SEMA3C: variants seen among roughly 807,000 people sequenced by gnomAD.
SEMA3C encodes semaphorin-3C.
A neutral mutation model predicts 89.4 loss-of-function variants in SEMA3C; 47 were observed. The ratio of observed to expected loss-of-function variants is 0.53; its 90% CI spans 0.42 to 0.67. SEMA3C has a LOEUF of 0.67. Among genes scored for constraint, SEMA3C ranks in the 30% least tolerant of loss-of-function variants. The probability of loss-of-function intolerance (pLI) is 0.00; values close to 1 mark genes in which losing one functional copy is unlikely to be tolerated. For missense variants in SEMA3C, 839 were observed against 929.1 expected (o/e 0.90, Z 1.26); for synonymous variants, 310 against 320.2 (o/e 0.97, Z 0.34).
At chr7:80,853,925 C>T (rs895340480) in intron 2 of SEMA3C, among the ~76,000 whole-genome samples, 2 of 151,092 alleles carry the variant, frequency 1.3e-5, no homozygotes, top group Admixed American at 1.3e-4. Context: ...TGTATACACA[C>T]CTGCTATGTA....
intron 2 of SEMA3C, among the ~76,000 whole-genome samples, chr7:80,883,525 A>G (rs1791401166): frequency 6.6e-6 from 1 of 152,360 alleles, no homozygotes. Flanking sequence ...CCCTTAATAC[A>G]TGAACTTTTA....
At chr7:80,847,441 T>C (rs974334158) in intron 2 of SEMA3C, 5 of 152,186 alleles carry the variant, frequency 3.3e-5, no homozygotes, top group Non-Finnish European at 7.3e-5. Flanking sequence ...ATTTGGTAGA[T>C]ATTACTTTGT....
At chr7:80,811,938 T>C (rs562870068) in intron 5 of SEMA3C, among the ~76,000 whole-genome samples, 1 of 152,328 alleles carries the variant, frequency 6.6e-6, no homozygotes, top group Non-Finnish European at 1.5e-5. Context: ...CTAATTTCAT[T>C]GTACTTGTTG....
chr7:80,818,529 A>C, intron 4 of SEMA3C, 111 bp from the exon 5 acceptor site: 1 of 1,251,638 alleles, frequency 8.0e-7, no homozygotes. Flanking sequence ...GGTGACATAA[A>C]CTTTTGATGT....
At chr7:80,916,966 G>T in intron 1 of SEMA3C, 147 bp from the exon 2 acceptor site, 1 of 569,028 alleles carries the variant, frequency 1.8e-6, no homozygotes, top group Non-Finnish European at 2.9e-6. Flanking sequence ...CTGTGTCTTT[G>T]CTTCTCAGAT....
chr7:80,919,088 T>C (rs1401894373), upstream of SEMA3C: 44 of 985,074 alleles, frequency 4.5e-5, no homozygotes, highest in Non-Finnish European at 5.1e-5. Flanking sequence ...GCGAGCGCTC[T>C]TGGTGTCCGA....
chr7:80,880,832 G>A (rs1791317708), intron 2 of SEMA3C, among the ~76,000 whole-genome samples: 1 of 152,158 alleles, frequency 6.6e-6, no homozygotes, highest in Non-Finnish European at 1.5e-5. Context: ...GGCTGAGACA[G>A]AAGAATCGCT....
chr7:80,842,799 G>A (rs1290168321), intron 2 of SEMA3C, among the ~76,000 whole-genome samples: 1 of 152,118 alleles, frequency 6.6e-6, no homozygotes, highest in East Asian at 1.9e-4. Context: ...GCCACATTAT[G>A]CCATACAATC....
Position 80,779,963 on chromosome 7 carries a change from A to G in SEMA3C, c.1354+9343T>C, listed in dbSNP as rs74363275. Among the ~76,000 whole-genome samples, 712 of 152,254 alleles carry G rather than the reference A, an allele frequency of 4.7e-3. 13 individuals carry two copies. Among genetic ancestry groups the G allele is most frequent in the African/African-American group, 0.016 (657 of 41,558 alleles). On this transcript the variant is annotated intron_variant, in intron 12 of 17. Transcript: ENST00000265361. Reference sequence around the variant, plus strand: ...TACTTCTGCAAAAGCAAGGAACTGAATTTTGCCAAAAACCAGGTGGGTTTG... The same window carrying G: ...TACTTCTGCAAAAGCAAGGAACTGAGTTTTGCCAAAAACCAGGTGGGTTTG...
chr7:80,836,920 T>C (rs954914315), intron 2 of SEMA3C, among the ~76,000 whole-genome samples: 14 of 152,174 alleles, frequency 9.2e-5, no homozygotes, highest in Admixed American at 6.6e-4. Flanking sequence ...TTAAATTATA[T>C]GGCTGCTCTA....
intron 2 of SEMA3C, among the ~76,000 whole-genome samples, chr7:80,838,372 C>G (rs1191990208): frequency 6.6e-6 from 1 of 152,120 alleles, no homozygotes; most frequent in African/African-American, 2.4e-5. Context: ...AAAAATAATT[C>G]CTTTTTCACT....
At chr7:80,794,363 G>C (rs1265841548) in intron 11 of SEMA3C, among the ~76,000 whole-genome samples, 2 of 151,934 alleles carry the variant, frequency 1.3e-5, no homozygotes, top group Non-Finnish European at 1.5e-5. Flanking sequence ...TTCACGTTTT[G>C]AATAATGATG....
At chr7:80,907,979 C>T (rs1471927694) in intron 2 of SEMA3C, among the ~76,000 whole-genome samples, 1 of 151,970 alleles carries the variant, frequency 6.6e-6, no homozygotes, top group Non-Finnish European at 1.5e-5. Context: ...TACACATGGA[C>T]TCTAATTATG....
At chr7:80,760,964 A>G (rs1302748669) in intron 14 of SEMA3C, among the ~76,000 whole-genome samples, 1 of 152,180 alleles carries the variant, frequency 6.6e-6, no homozygotes, top group Non-Finnish European at 1.5e-5. Flanking sequence ...GGAGAGGTAC[A>G]TGGTTTGCTC....
At chr7:80,915,227 A>G (rs1792241410) in intron 2 of SEMA3C, among the ~76,000 whole-genome samples, 1 of 152,200 alleles carries the variant, frequency 6.6e-6, no homozygotes, top group African/African-American at 2.4e-5. Context: ...TTAGTAATTA[A>G]GGGGCTAAAA....
Position 80,828,589 on chromosome 7 carries a change from A to C in SEMA3C, c.260T>G (p.Leu87Trp), listed in dbSNP as rs1238998576. 1 of 1,605,318 alleles carries C rather than the reference A, an allele frequency of 6.2e-7. No individual in the cohort carries two copies. The highest frequency in any genetic ancestry group is 8.5e-7 in the Non-Finnish European group (1 of 1,174,814). Residue 87 changes from leucine (L) to tryptophan (W), a missense_variant, in exon 3 of 18, where the codon TTG (leucine) becomes TGG (tryptophan). By Grantham distance (61) the Leu-to-Trp change is moderately conservative (BLOSUM62 -2). Coordinates refer to ENST00000265361, the MANE Select transcript of SEMA3C (RefSeq NM_006379.5). Reference protein sequence around the residue: ...LNINNISQEALSVFWPASTIK... With the variant: ...LNINNISQEAWSVFWPASTIK... ...TCGTGAAAGTGATAAACTTACACTC[A>C]AAGCTTCTTGACTTATATTGTTAAT...
At chr7:80,901,009 G>C (rs941294263) in intron 2 of SEMA3C, among the ~76,000 whole-genome samples, 2 of 152,152 alleles carry the variant, frequency 1.3e-5, no homozygotes, top group African/African-American at 2.4e-5. Context: ...ACCTCATTTT[G>C]TACATTGCAC....
In SEMA3C at chr7:80,808,007, A is replaced by T. The variant is rs1395445501; in HGVS notation, c.539-2249T>A. Among the ~76,000 whole-genome samples the T allele has an allele frequency of 3.9e-5, 6 of 152,160 alleles. No individual in the cohort carries two copies. The South Asian group carries it at 8.3e-4, about 21-fold the overall frequency. On this transcript the variant is annotated intron_variant, in intron 6 of 17. Coordinates refer to ENST00000265361, the MANE Select transcript of SEMA3C (RefSeq NM_006379.5). Reference sequence around the variant, plus strand: ...GTTTAGTGACTTTCATTTGATTACAAAATGTAAAGTTACTCAAATGTTAAA... The same window carrying T: ...GTTTAGTGACTTTCATTTGATTACATAATGTAAAGTTACTCAAATGTTAAA...
intron 2 of SEMA3C, among the ~76,000 whole-genome samples, chr7:80,876,117 C>A (rs1013126376): frequency 7.9e-5 from 12 of 152,094 alleles, no homozygotes; most frequent in Admixed American, 7.9e-4. Flanking sequence ...CGGTCTCAGG[C>A]ATCTGCTGGG....
Sources: gnomAD v4.1 joint callset for allele counts (sites outside exome capture counted in the v4.1 genomes callset) on GRCh38, gnomAD v4.1.1 for gene constraint, MANE v1.5 for transcripts, NCBI Gene and HGNC (gene_info 2026-07-23, HGNC 2026-07-21) for gene names.